The following RRP1B variants were observed in gnomAD, a reference collection of about 807,000 sequenced individuals.
RRP1B encodes the protein ribosomal RNA processing protein 1 homolog B.
Under a neutral mutation model 80.2 loss-of-function variants are expected in RRP1B, and 56 were observed. The observed-to-expected ratio is 0.70, with a 90% CI of 0.56 to 0.87. The LOEUF (loss-of-function observed/expected upper bound fraction) is 0.87. Among genes scored for constraint, RRP1B ranks in the 40% least tolerant of loss-of-function variants. The pLI, the probability that RRP1B is intolerant of heterozygous loss-of-function variation, is 0.00. For missense variants in RRP1B, 807 were observed against 939.8 expected (o/e 0.86, Z 1.85); for synonymous variants, 351 against 357.6 (o/e 0.98, Z 0.21).
chr21:43,684,299 CTGACCT>C (rs1318992433), intron 9 of RRP1B, among the ~76,000 whole-genome samples: 2 of 151,864 alleles, frequency 1.3e-5, no homozygotes, highest in African/African-American at 4.8e-5. Context: ...TCTCGATGTC[CTGACCT>C]TGTGATCCAC....
intron 9 of RRP1B, 44 bp downstream of exon 9, chr21:43,683,417 G>A: frequency 6.7e-7 from 1 of 1,490,056 alleles, no homozygotes. Context: ...GATTTGCTGT[G>A]GAGTAGCCTG....
At chr21:43,679,179 G>C (rs574396016) in intron 8 of RRP1B, among the ~76,000 whole-genome samples, 52 of 151,322 alleles carry the variant, frequency 3.4e-4, no homozygotes, top group African/African-American at 1.1e-3. Context: ...GTTTGAAATC[G>C]AGTGTTCTGA....
intron 3 of RRP1B, among the ~76,000 whole-genome samples, chr21:43,673,129 T>C (rs910028093): frequency 1.3e-5 from 2 of 152,236 alleles, no homozygotes; most frequent in African/African-American, 4.8e-5. Flanking sequence ...TATGAGTTTC[T>C]ATATGGATTA....
In RRP1B at chr21:43,659,929, C is replaced by A; in HGVS notation, c.130+135C>A. ...CCCAGCGTGTGCTTCGGTTTCCGCG[C>A]TGCCGGAACCGCTTCTTGCTGTGTC... On this transcript the variant is annotated intron_variant, in intron 1 of 15. Coordinates refer to ENST00000340648, the MANE Select transcript of RRP1B (RefSeq NM_015056.3). This position sits in a 1 kb window ranked among gnomAD's most constrained non-coding sequence, Gnocchi z 4.2. 1 of 999,332 alleles carries A rather than the reference C, an allele frequency of 1.0e-6. No individual in the cohort carries two copies. The highest frequency in any genetic ancestry group is 1.3e-6 in the Non-Finnish European group (1 of 741,240). 61.9% of individuals were successfully genotyped at this position (999,332 alleles called of 1,614,324 possible).
chr21:43,681,357 A>ATT lies in RRP1B; in HGVS notation c.797-1908_797-1907dup, dbSNP rs1403699923. The stretch of plus-strand genomic sequence containing the variant: ...TTTTAGACCTGGTGGACGGGAAGTA[A>ATT]TTTTTTTTTTTTTTTGAGATGGAGT... On this transcript the variant is annotated intron_variant, in intron 8 of 15. Coordinates refer to ENST00000340648, the MANE Select transcript of RRP1B (RefSeq NM_015056.3). 2.2e-4 allele frequency among the ~76,000 whole-genome samples: 31 copies of ATT among 141,722 alleles called. 1 individual carries two copies. The highest frequency in any genetic ancestry group is 6.0e-4 in the African/African-American group (23 of 38,194). The allele number at this position is 141,722 out of a possible 152,430, so 93.0% of individuals were successfully genotyped here. A position where few individuals can be genotyped will look rare whatever the true frequency, so the allele number is the denominator to read the frequency against.
intron 11 of RRP1B, 43 bp from the exon 12 acceptor site, chr21:43,686,759 CTT>C: frequency 2.5e-6 from 4 of 1,610,788 alleles, no homozygotes; most frequent in Non-Finnish European, 3.4e-6. Flanking sequence ...GGGGCAGAGT[CTT>C]GAGCGCCTGG....
chr21:43,681,853 A>G (rs2083044806), intron 8 of RRP1B, among the ~76,000 whole-genome samples: 1 of 152,164 alleles, frequency 6.6e-6, no homozygotes, highest in Non-Finnish European at 1.5e-5. Flanking sequence ...CAGGAGGCTG[A>G]GCTGGGAGAA....
chr21:43,676,642 A>C (rs2083023755), intron 7 of RRP1B, 91 bp from the exon 8 acceptor site: 5 of 1,219,694 alleles, frequency 4.1e-6, no homozygotes, highest in Non-Finnish European at 4.6e-6. Context: ...GACCACAGCA[A>C]CGTGTGCAGG....
chr21:43,677,195 CT>C (rs939250089), intron 8 of RRP1B, among the ~76,000 whole-genome samples: 11 of 152,186 alleles, frequency 7.2e-5, no homozygotes, highest in Admixed American at 2.0e-4. Flanking sequence ...ATTGTCACTG[CT>C]AGTGCTTTTT....
chr21:43,687,529 T>C lies in RRP1B; in HGVS notation c.1155T>C (p.Phe385=). 10 of 1,487,972 alleles carry C rather than the reference T, an allele frequency of 6.7e-6. No individual in the cohort carries two copies. The highest frequency in any genetic ancestry group is 8.9e-6 in the Non-Finnish European group (10 of 1,125,568). The allele number at this position is 1,487,972 out of a possible 1,614,324, so 92.2% of individuals were successfully genotyped here. A position where few individuals can be genotyped will look rare whatever the true frequency, so the allele number is the denominator to read the frequency against. ...NLEKEKGSRV[F]CVEEEDSESS... is the part of the protein sequence containing the mutation. ...CTGTCTTTTTAGGAAGCAGAGTCTTTTGTGTAGAGGAAGAGGACAGTGAAA... is the reference window on the plus strand; with the variant it reads ...CTGTCTTTTTAGGAAGCAGAGTCTTCTGTGTAGAGGAAGAGGACAGTGAAA... The change falls in exon 13 of 16, where the codon TTT becomes TTC. Residue 385 remains phenylalanine (F), a synonymous_variant. Coordinates refer to ENST00000340648, the MANE Select transcript of RRP1B (RefSeq NM_015056.3).
Position 43,693,214 on chromosome 21 carries a change from T to G in RRP1B, c.2108T>G (p.Ile703Ser), listed in dbSNP as rs760976605. The change falls in exon 16 of 16, where the codon ATC (isoleucine) becomes AGC (serine). Residue 703 changes from isoleucine (I) to serine (S), a missense_variant. Physicochemically the swap from Ile to Ser is moderately radical, Grantham distance 142. Coordinates refer to ENST00000340648, the MANE Select transcript of RRP1B (RefSeq NM_015056.3). The surrounding 1 kb of genome is among the most constrained non-coding windows in gnomAD (Gnocchi z 4.1). ...GAATTCAAGAAGACAGACAAGAGTA[T>G]CTTGGTCAGTCCCACGGGCCCTTCT... ...TAEFKKTDKS[I>S]LVSPTGPSRV... 1 of 1,614,010 alleles carries G rather than the reference T, an allele frequency of 6.2e-7. No homozygotes were observed. Among genetic ancestry groups the G allele is most frequent in the Admixed American group, 1.7e-5 (1 of 59,996 alleles).
At position 43,693,228 on chromosome 21, in the gene RRP1B, A is replaced by G. The variant is rs2083094165; in HGVS notation, c.2122A>G (p.Thr708Ala). The G allele has an allele frequency of 3.7e-6, 6 of 1,614,078 alleles. No individual in the cohort carries two copies. In the East Asian group the frequency reaches 1.3e-4, roughly 36 times the overall value. ...AGACAAGAGTATCTTGGTCAGTCCC[A>G]CGGGCCCTTCTCGAGTGGCCTTCGA... ...KTDKSILVSP[T>A]GPSRVAFDPE... Residue 708 changes from threonine to alanine, a missense_variant, in exon 16 of 16, where the codon ACG (threonine) becomes GCG (alanine). Transcript: ENST00000340648. This position sits in a 1 kb window ranked among gnomAD's most constrained non-coding sequence, Gnocchi z 4.1.
chr21:43,662,710 TC>T (rs2082962581), intron 1 of RRP1B, among the ~76,000 whole-genome samples: 1 of 152,248 alleles, frequency 6.6e-6, no homozygotes, highest in African/African-American at 2.4e-5. Flanking sequence ...ATGATCACTC[TC>T]CATGGCTTTC....
rs777598381 is a variant in RRP1B, at chr21:43,691,501, C to T, written c.2082C>T (p.Ala694=). ...VTFGLNRNMT[A]EFKKTDKSIL... ...TTGGGCTGAACAGAAACATGACTGC[C>T]GGTAAGTGGGGTTTTGCCAGCGGCA... Residue 694 remains alanine (A), a splice_region_variant and synonymous_variant, in exon 15 of 16, where the codon GCC becomes GCT. Transcript: ENST00000340648. The surrounding 1 kb of genome is among the most constrained non-coding windows in gnomAD (Gnocchi z 4.2). 212 of 1,613,814 alleles carry T rather than the reference C, an allele frequency of 1.3e-4. No individual in the cohort carries two copies. Among genetic ancestry groups the T allele is most frequent in the Admixed American group, 4.3e-4 (26 of 59,986 alleles).
Position 43,676,424 on chromosome 21 carries a change from C to T in RRP1B, c.614+88C>T, listed in dbSNP as rs2083022927. The stretch of plus-strand genomic sequence containing the variant: ...GTCGTGCAGCCTGGCACAGGGTACC[C>T]AGGACACTGCTTCACAGCAGAGAGC... On this transcript the variant is annotated intron_variant, in intron 7 of 15. Transcript: ENST00000340648. 5 of 992,014 alleles carry T rather than the reference C, an allele frequency of 5.0e-6. No individual in the cohort carries two copies. In the East Asian group the frequency reaches 1.2e-4, roughly 24 times the overall value. The allele number at this position is 992,014 out of a possible 1,614,324, so 61.5% of individuals were successfully genotyped here.
At chr21:43,674,729 G>A (rs544695020) in intron 5 of RRP1B, 32 bp downstream of exon 5, 10 of 1,563,758 alleles carry the variant, frequency 6.4e-6, no homozygotes, top group African/African-American at 5.5e-5. Context: ...GCATGTGGTA[G>A]CCTTAAAACT....
In RRP1B at chr21:43,693,482, C is replaced by A; in HGVS notation, c.*99C>A. On this transcript the variant is annotated 3_prime_UTR_variant, in exon 16 of 16. Coordinates refer to ENST00000340648, the MANE Select transcript of RRP1B (RefSeq NM_015056.3). This position sits in a 1 kb window ranked among gnomAD's most constrained non-coding sequence, Gnocchi z 4.1. ...GGCCTTTTTTATGATTTTGTAAGTTCCCATAAGTTGTGTGCACGAGGTTCT... is the reference window on the plus strand; with the variant it reads ...GGCCTTTTTTATGATTTTGTAAGTTACCATAAGTTGTGTGCACGAGGTTCT... The A allele has an allele frequency of 8.0e-7, 1 of 1,248,032 alleles. No homozygotes were observed. The highest frequency in any genetic ancestry group is 1.1e-6 in the Non-Finnish European group (1 of 936,426). The allele number at this position is 1,248,032 out of a possible 1,614,324, so 77.3% of individuals were successfully genotyped here. A position where few individuals can be genotyped will look rare whatever the true frequency, so the allele number is the denominator to read the frequency against.
At chr21:43,682,770 G>A (rs984277344) in intron 8 of RRP1B, among the ~76,000 whole-genome samples, 6 of 152,220 alleles carry the variant, frequency 3.9e-5, no homozygotes, top group African/African-American at 1.2e-4. Flanking sequence ...GGCAAAACAT[G>A]TGCTTTTTCC....
In RRP1B at chr21:43,659,587, TGGCTGGCTGCTCCGCAGCGCTC is replaced by T. The variant is rs1220384932; in HGVS notation, c.-67_-46del. 20 of 1,282,628 alleles carry T rather than the reference TGGCTGGCTGCTCCGCAGCGCTC, an allele frequency of 1.6e-5. No individual in the cohort carries two copies. Among genetic ancestry groups the T allele is most frequent in the African/African-American group, 7.8e-5 (5 of 63,766 alleles). The allele number at this position is 1,282,628 out of a possible 1,614,324, so 79.5% of individuals were successfully genotyped here. A position where few individuals can be genotyped will look rare whatever the true frequency, so the allele number is the denominator to read the frequency against. ...GTGCAGTCGCGGCCCGGGCGGACGGTGGCTGGCTGCTCCGCAGCGCTCGGCTGGCTGCAGCGGCACCGCGGGT... is the reference window on the plus strand; with the variant it reads ...GTGCAGTCGCGGCCCGGGCGGACGGTGGCTGGCTGCAGCGGCACCGCGGGT... On this transcript the variant is annotated 5_prime_UTR_variant, in exon 1 of 16. Transcript: ENST00000340648. The surrounding 1 kb of genome is among the most constrained non-coding windows in gnomAD (Gnocchi z 4.2).
Sources: allele counts gnomAD v4.1 joint callset (sites outside exome capture counted in the v4.1 genomes callset), GRCh38; gene constraint gnomAD v4.1.1; non-coding constraint Gnocchi (gnomAD v3.1); transcripts MANE v1.5; gene names NCBI Gene and HGNC (gene_info 2026-07-23, HGNC 2026-07-21).